LRRC4C: variants seen among roughly 807,000 people sequenced by gnomAD.
LRRC4C encodes leucine rich repeat containing 4C.
LRRC4C carries 5 observed loss-of-function variants against 33.6 expected under a neutral mutation model. The observed-to-expected ratio is 0.15, with a 90% confidence interval of 0.08 to 0.31. LRRC4C has a LOEUF of 0.31. LRRC4C is among the 10% of genes least tolerant of loss of function. The pLI is 1.00. For missense variants in LRRC4C, 560 were observed against 796.7 expected, an observed-to-expected ratio of 0.70 and a Z score of 3.58; for synonymous variants, 329 against 302.0, an observed-to-expected ratio of 1.09 and a Z score of -0.93.
chr11:40,840,552 GA>G (rs1952866460), intron 2 of LRRC4C, among the ~76,000 whole-genome samples: 1 of 152,172 alleles, frequency 6.6e-6, no homozygotes, highest in African/African-American at 2.4e-5. Context: ...ACATGGACTT[GA>G]AAATAGTAAA....
At chr11:41,235,828 C>G (rs76685643) in intron 1 of LRRC4C, among the ~76,000 whole-genome samples, 2,338 of 152,154 alleles carry the variant, frequency 0.015, 59 homozygotes, top group African/African-American at 0.053. Context: ...CTTACATATT[C>G]AAGTGGCATC....
chr11:40,460,391 A>C (rs1323039007), intron 3 of LRRC4C, among the ~76,000 whole-genome samples: 2 of 152,126 alleles, frequency 1.3e-5, no homozygotes, highest in African/African-American at 4.8e-5. Context: ...AAAAACAAAC[A>C]TGGCATGACT....
At chr11:40,263,842 A>G (rs1031284815) in intron 4 of LRRC4C, among the ~76,000 whole-genome samples, 36 of 152,188 alleles carry the variant, frequency 2.4e-4, no homozygotes, top group Admixed American at 7.2e-4. Context: ...ATATGTGGGC[A>G]TGGTTTGGAG....
chr11:40,496,278 TC>T (rs1954453532), intron 3 of LRRC4C, among the ~76,000 whole-genome samples: 3 of 152,168 alleles, frequency 2.0e-5, no homozygotes, highest in Non-Finnish European at 2.9e-5. Flanking sequence ...TAGTTGTCTT[TC>T]ATTTGATCAC....
chr11:41,259,391 A>G (rs1335767504), intron 1 of LRRC4C, among the ~76,000 whole-genome samples: 1 of 152,010 alleles, frequency 6.6e-6, no homozygotes, highest in East Asian at 1.9e-4. Flanking sequence ...TACATTCCCT[A>G]TAGATTTTGG....
intron 1 of LRRC4C, among the ~76,000 whole-genome samples, chr11:41,395,337 A>G (rs986965550): frequency 2.0e-4 from 31 of 152,002 alleles, no homozygotes; most frequent in African/African-American, 7.5e-4. Flanking sequence ...ATGTAGGTAG[A>G]AATGCTGTAT....
chr11:40,505,239 C>T (rs1238883195), intron 3 of LRRC4C, among the ~76,000 whole-genome samples: 2 of 152,110 alleles, frequency 1.3e-5, no homozygotes, highest in African/African-American at 4.8e-5. Flanking sequence ...GTGGGTATGG[C>T]TTATGCTTTC....
At chr11:40,179,010 C>CT (rs5791361) in intron 5 of LRRC4C, among the ~76,000 whole-genome samples, 9 of 141,356 alleles carry the variant, frequency 6.4e-5, no homozygotes, top group South Asian at 2.3e-4. Context: ...AACTTTCTTT[C>CT]TTTTTTTTTT....
chr11:40,663,876 A>G (rs1444386479), intron 2 of LRRC4C, among the ~76,000 whole-genome samples: 1 of 152,246 alleles, frequency 6.6e-6, no homozygotes. Context: ...TCAACCATCA[A>G]AATGATTGCA....
At chr11:41,248,917 T>G (rs1377807755) in intron 1 of LRRC4C, among the ~76,000 whole-genome samples, 2 of 152,206 alleles carry the variant, frequency 1.3e-5, no homozygotes, top group Admixed American at 1.3e-4. Context: ...TTTACTCTTC[T>G]TTCTCATATC....
rs148423007 is a variant in LRRC4C, at chr11:40,560,317, T to G, written c.-270+87825A>C. Among the ~76,000 whole-genome samples, 334 of 152,248 alleles carry G rather than the reference T, an allele frequency of 2.2e-3. 2 individuals are homozygous for G. Among genetic ancestry groups the G allele is most frequent in the African/African-American group, 7.4e-3 (309 of 41,552 alleles). ...CCAGGCATTGATCTTCTCCCACTCGTCACAACCAAATGAAGACTTTGGTTC... is the reference window on the plus strand; with the variant it reads ...CCAGGCATTGATCTTCTCCCACTCGGCACAACCAAATGAAGACTTTGGTTC... On this transcript the variant is annotated intron_variant, in intron 3 of 6. Coordinates refer to ENST00000528697, the MANE Select transcript of LRRC4C (RefSeq NM_001258419.2).
At chr11:40,146,844 C>T (rs766102293) in intron 5 of LRRC4C, among the ~76,000 whole-genome samples, 6 of 152,158 alleles carry the variant, frequency 3.9e-5, no homozygotes, top group African/African-American at 7.2e-5. Flanking sequence ...CTGCTCAACA[C>T]TGGTATCTAG....
At chr11:40,845,941 G>A (rs1953136823) in intron 2 of LRRC4C, among the ~76,000 whole-genome samples, 1 of 151,616 alleles carries the variant, frequency 6.6e-6, no homozygotes, top group East Asian at 1.9e-4. Context: ...GTGATGATGA[G>A]CTTTTTTTCA....
At chr11:40,254,176 T>C (rs1867015796) in intron 4 of LRRC4C, among the ~76,000 whole-genome samples, 1 of 152,210 alleles carries the variant, frequency 6.6e-6, no homozygotes, top group Non-Finnish European at 1.5e-5. Flanking sequence ...AGCTCCAAAC[T>C]ACCAGCAAAT....
rs76034768 is a variant in LRRC4C, at chr11:40,205,146, T to C, written c.-96+36373A>G. ...AGGTGCTGAGCCTTAGGTTCATATT[T>C]GTCTTTGTCAAAGGATCTCCCTAAG... On this transcript the variant is annotated intron_variant, in intron 5 of 6. Coordinates refer to ENST00000528697, the MANE Select transcript of LRRC4C (RefSeq NM_001258419.2). Among the ~76,000 whole-genome samples the C allele has an allele frequency of 3.0e-3, 459 of 152,290 alleles. 2 individuals are homozygous for C. The highest frequency in any genetic ancestry group is 0.011 in the African/African-American group (450 of 41,550).
At chr11:40,544,699 A>G (rs779289841) in intron 3 of LRRC4C, among the ~76,000 whole-genome samples, 6 of 152,086 alleles carry the variant, frequency 3.9e-5, no homozygotes, top group Middle Eastern at 3.2e-3. Flanking sequence ...AGTTACTTAG[A>G]TATATTTGTT....
intron 2 of LRRC4C, among the ~76,000 whole-genome samples, chr11:40,688,794 C>A (rs1006167851): frequency 6.6e-6 from 1 of 152,090 alleles, no homozygotes; most frequent in Non-Finnish European, 1.5e-5. Flanking sequence ...CACTTTCACA[C>A]ATAATGAACC....
At chr11:41,269,030 T>C (rs895904952) in intron 1 of LRRC4C, among the ~76,000 whole-genome samples, 2 of 152,156 alleles carry the variant, frequency 1.3e-5, no homozygotes. Flanking sequence ...AAAGGGAAGA[T>C]ACTTTGGGAT....
chr11:41,456,958 C>G (rs920804503), intron 1 of LRRC4C, among the ~76,000 whole-genome samples: 1 of 152,140 alleles, frequency 6.6e-6, no homozygotes, highest in African/African-American at 2.4e-5. Context: ...ATTTCATAAG[C>G]TGTAATCAGA....
Sources: allele counts gnomAD v4.1 joint callset (sites outside exome capture counted in the v4.1 genomes callset), GRCh38; gene constraint gnomAD v4.1.1; transcripts MANE v1.5; gene names NCBI Gene and HGNC (gene_info 2026-07-23, HGNC 2026-07-21).